Variants in CSMD3 observed in about 807,000 individuals in gnomAD.
CSMD3 encodes the protein CUB and Sushi multiple domains 3, also known as CUB and sushi domain-containing protein 3.
A neutral mutation model predicts 435.2 loss-of-function variants in CSMD3; 177 were observed. That is an observed-to-expected ratio of 0.41 (90% confidence interval 0.36 to 0.46). The LOEUF (loss-of-function observed/expected upper bound fraction) is 0.46. CSMD3 is among the 20% of genes least tolerant of loss of function. The pLI is 0.34. For synonymous variants in CSMD3, 1,656 were observed against 1,520.5 expected (o/e 1.09, Z -2.07); for missense variants, 4,265 against 4,504.6 (o/e 0.95, Z 1.52).
At chr8:112,255,523 T>A in intron 61 of CSMD3, 96 bp from the exon 62 acceptor site, 2 of 1,042,024 alleles carry the variant, frequency 1.9e-6, no homozygotes, top group Non-Finnish European at 2.9e-6. Context: ...AATATTGTAC[T>A]AAAGAGATAT....
chr8:112,568,304 A>C (rs1199969713), intron 24 of CSMD3, among the ~76,000 whole-genome samples: 1 of 152,126 alleles, frequency 6.6e-6, no homozygotes, highest in African/African-American at 2.4e-5. Flanking sequence ...CTTTAGAAAA[A>C]GGAATGGGGC....
At chr8:112,298,066 CAAAAAA>C (rs35232021) in intron 53 of CSMD3, among the ~76,000 whole-genome samples, 3,427 of 93,708 alleles carry the variant, frequency 0.037, 43 homozygotes, top group Admixed American at 0.055. Flanking sequence ...TGCCATTGCA[CAAAAAA>C]AAAAAAAAAA....
intron 3 of CSMD3, among the ~76,000 whole-genome samples, chr8:113,195,276 T>C (rs1053639987): frequency 4.7e-5 from 7 of 150,530 alleles, no homozygotes; most frequent in South Asian, 2.1e-4. Context: ...CCTTTGTATT[T>C]CAGGAAATAC....
In CSMD3 at chr8:112,410,950, C is replaced by T. The variant is rs555213160; in HGVS notation, c.5396-1918G>A. On this transcript the variant is annotated intron_variant, in intron 32 of 70. Transcript: ENST00000297405. ...GCATGTAATTTATTCTTTCTCTTAG[C>T]TTTTTGGGAAATCATTAAGGAAAAG... Among the ~76,000 whole-genome samples the T allele has an allele frequency of 8.0e-5, 12 of 150,576 alleles. No homozygotes were observed. In the South Asian group the frequency reaches 2.5e-3, roughly 31 times the overall value.
At chr8:112,321,014 C>T (rs1023808900) in intron 45 of CSMD3, among the ~76,000 whole-genome samples, 1 of 152,074 alleles carries the variant, frequency 6.6e-6, no homozygotes, top group Non-Finnish European at 1.5e-5. Flanking sequence ...AAGCTTCATG[C>T]CTACTATCCT....
chr8:112,975,108 G>T (rs999541885), intron 7 of CSMD3, among the ~76,000 whole-genome samples: 3 of 150,962 alleles, frequency 2.0e-5, no homozygotes, highest in African/African-American at 7.3e-5. Flanking sequence ...GTATTTTCTA[G>T]ACTTCCTTAT....
At chr8:113,020,995 T>C (rs1443228830) in intron 5 of CSMD3, among the ~76,000 whole-genome samples, 1 of 152,218 alleles carries the variant, frequency 6.6e-6, no homozygotes. Flanking sequence ...CATTAAAATG[T>C]AAAATCACCT....
chr8:112,555,262 C>T (rs907891741), intron 25 of CSMD3, among the ~76,000 whole-genome samples: 3 of 151,764 alleles, frequency 2.0e-5, no homozygotes, highest in Non-Finnish European at 4.4e-5. Context: ...AAAACCTTTC[C>T]AAAAAGTAGA....
chr8:112,815,104 A>G (rs2079336441), intron 12 of CSMD3, among the ~76,000 whole-genome samples: 1 of 152,146 alleles, frequency 6.6e-6, no homozygotes, highest in Non-Finnish European at 1.5e-5. Flanking sequence ...TAAAAAAAAA[A>G]AGAAAAAACC....
At chr8:112,527,379 C>A (rs529997261) in intron 27 of CSMD3, among the ~76,000 whole-genome samples, 4 of 151,516 alleles carry the variant, frequency 2.6e-5, no homozygotes, top group African/African-American at 7.2e-5. Flanking sequence ...TCAAAAAAAA[C>A]CCATAGCATC....
chr8:113,396,511 T>C (rs1476352326), intron 1 of CSMD3, among the ~76,000 whole-genome samples: 1 of 152,192 alleles, frequency 6.6e-6, no homozygotes, highest in African/African-American at 2.4e-5. Context: ...TTACATTCCA[T>C]TTATTCAGCA....
intron 62 of CSMD3, 35 bp downstream of exon 62, chr8:112,255,219 G>A (rs2130272949): frequency 6.5e-7 from 1 of 1,544,168 alleles, no homozygotes; most frequent in South Asian, 1.1e-5. Flanking sequence ...TAATTACACA[G>A]TTACTGTGCA....
intron 3 of CSMD3, among the ~76,000 whole-genome samples, chr8:113,245,155 A>G (rs2093262610): frequency 6.6e-6 from 1 of 152,104 alleles, no homozygotes; most frequent in South Asian, 2.1e-4. Flanking sequence ...ATTTGAAATA[A>G]AAGTGTCTCT....
At chr8:112,460,366 A>C (rs953327620) in intron 32 of CSMD3, among the ~76,000 whole-genome samples, 1 of 152,162 alleles carries the variant, frequency 6.6e-6, no homozygotes, top group Admixed American at 6.6e-5. Context: ...AAGGAGAAGC[A>C]AAGGGGTTAA....
chr8:112,955,793 C>T (rs1487112007), intron 7 of CSMD3, among the ~76,000 whole-genome samples: 2 of 151,618 alleles, frequency 1.3e-5, no homozygotes, highest in Admixed American at 6.6e-5. Flanking sequence ...AGGATGACAG[C>T]CTTAAATGTT....
chr8:112,279,836 C>A (rs1208111016), intron 59 of CSMD3, among the ~76,000 whole-genome samples: 3 of 152,040 alleles, frequency 2.0e-5, no homozygotes, highest in Non-Finnish European at 4.4e-5. Flanking sequence ...TGAATATGTT[C>A]TATTCAGTAC....
At chr8:113,368,093 C>CTTAGGAAAATGGCTTCCTTTCA (rs879739705) in intron 1 of CSMD3, among the ~76,000 whole-genome samples, 17 of 152,082 alleles carry the variant, frequency 1.1e-4, no homozygotes, top group Admixed American at 1.1e-3. Context: ...ATTTGTCCTC[C>CTTAGGAAAATGGCTTCCTTTCA]TTAGGAAGCC....
At chr8:113,098,575 A>T in intron 5 of CSMD3, 181 bp downstream of exon 5, 1 of 594,400 alleles carries the variant, frequency 1.7e-6, no homozygotes, top group Admixed American at 3.0e-5. Context: ...AATTTCATCT[A>T]TTTTTTATGT....
At chr8:112,311,235 C>T (rs2130816571) in intron 49 of CSMD3, 69 bp from the exon 50 acceptor site, 1 of 1,287,260 alleles carries the variant, frequency 7.8e-7, no homozygotes, top group South Asian at 1.2e-5. Context: ...GTGATAAACA[C>T]CTATACAGCG....
Sources: gnomAD v4.1 joint callset for allele counts (sites outside exome capture counted in the v4.1 genomes callset) on GRCh38, gnomAD v4.1.1 for gene constraint, MANE v1.5 for transcripts, NCBI Gene and HGNC (gene_info 2026-07-23, HGNC 2026-07-21) for gene names.